Variants in TNR observed in about 807,000 individuals in gnomAD.
TNR encodes tenascin-R.
In TNR, 45 loss-of-function variants were observed where a neutral mutation model predicts 150.4. That is an observed-to-expected ratio of 0.30 (90% CI 0.24 to 0.38). TNR has a LOEUF of 0.38. Among genes scored for constraint, TNR ranks in the 10% least tolerant of loss-of-function variants. The pLI is 1.00. For synonymous variants in TNR, 687 were observed against 678.4 expected (o/e 1.01, Z -0.20); for missense variants, 1,544 against 1,759.1 (o/e 0.88, Z 2.19).
At chr1:175,738,622 T>C (rs1667839828) in intron 1 of TNR, among the ~76,000 whole-genome samples, 3 of 152,350 alleles carry the variant, frequency 2.0e-5, no homozygotes, top group South Asian at 2.1e-4. Flanking sequence ...GTAAATGTAC[T>C]TAGTGCCATT....
At chr1:175,711,336 C>A (rs1202933892) in intron 1 of TNR, among the ~76,000 whole-genome samples, 1 of 151,738 alleles carries the variant, frequency 6.6e-6, no homozygotes, top group African/African-American at 2.4e-5. Flanking sequence ...GTGTTTCTGG[C>A]AGAGGGACAC....
intron 8 of TNR, among the ~76,000 whole-genome samples, chr1:175,383,539 C>T (rs544248645): frequency 3.3e-5 from 5 of 152,298 alleles, no homozygotes; most frequent in South Asian, 2.1e-4. Flanking sequence ...CTCCAATCAC[C>T]GGCCATGGTG....
Position 175,316,639 on chromosome 1 carries a change from G to T in TNR, c.*6718C>A, listed in dbSNP as rs931623559. ...CTGCCTGCTCCAGCTTGAAAAAAAT[G>T]ACTGGATATCCCACTCTTCTAATGT... On this transcript the variant is annotated 3_prime_UTR_variant, in exon 23 of 23. Transcript: ENST00000367674. The T allele has an allele frequency of 3.3e-5, 5 of 152,168 alleles. No homozygotes were observed. Among genetic ancestry groups the T allele is most frequent in the African/African-American group, 1.2e-4 (5 of 41,436 alleles). The allele number at this position is 152,168 out of a possible 1,614,324, so 9.4% of individuals were successfully genotyped here.
chr1:175,327,728 T>C (rs1649487863), intron 21 of TNR, among the ~76,000 whole-genome samples: 1 of 152,154 alleles, frequency 6.6e-6, no homozygotes. Flanking sequence ...TTATTTTCCT[T>C]ACCATGGGAA....
At chr1:175,736,380 G>A (rs1281595601) in intron 1 of TNR, among the ~76,000 whole-genome samples, 1 of 152,150 alleles carries the variant, frequency 6.6e-6, no homozygotes, top group Non-Finnish European at 1.5e-5. Flanking sequence ...AATTAGTGGG[G>A]CGTGGTGGCC....
chr1:175,342,717 T>A (rs1415677911), intron 18 of TNR, among the ~76,000 whole-genome samples: 1 of 152,210 alleles, frequency 6.6e-6, no homozygotes, highest in African/African-American at 2.4e-5. Flanking sequence ...ACAGCTTTGA[T>A]GTGTTCACCC....
intron 1 of TNR, among the ~76,000 whole-genome samples, chr1:175,575,505 A>G (rs1662066352): frequency 6.6e-6 from 1 of 152,196 alleles, no homozygotes; most frequent in Non-Finnish European, 1.5e-5. Flanking sequence ...CACATGAGGA[A>G]CATGCCAACC....
At chr1:175,677,131 G>T (rs1029362947) in intron 1 of TNR, among the ~76,000 whole-genome samples, 1 of 152,208 alleles carries the variant, frequency 6.6e-6, no homozygotes, top group African/African-American at 2.4e-5. Flanking sequence ...AAGAGAGGCT[G>T]AAGAAAGAAG....
intron 1 of TNR, among the ~76,000 whole-genome samples, chr1:175,704,923 C>T (rs1666805194): frequency 6.6e-6 from 1 of 152,042 alleles, no homozygotes; most frequent in African/African-American, 2.4e-5. Context: ...TGCAGTGTGT[C>T]TGGGCAGGGG....
intron 2 of TNR, among the ~76,000 whole-genome samples, chr1:175,434,483 C>T (rs1655410541): frequency 6.6e-6 from 1 of 152,182 alleles, no homozygotes; most frequent in Admixed American, 6.5e-5. Context: ...AACACTGTGA[C>T]CTTCCCGCCA....
chr1:175,365,744 T>C, intron 11 of TNR, 131 bp downstream of exon 11: 1 of 1,357,464 alleles, frequency 7.4e-7, no homozygotes, highest in Non-Finnish European at 1.0e-6. Flanking sequence ...GTTTTTACTC[T>C]ATCCTTTTCT....
intron 9 of TNR, among the ~76,000 whole-genome samples, chr1:175,370,172 T>G (rs944657268): frequency 2.5e-4 from 38 of 152,130 alleles, no homozygotes; most frequent in African/African-American, 8.7e-4. Context: ...ACTTAACATC[T>G]ATGAACCTCA....
At chr1:175,383,134 C>G (rs536614796) in intron 8 of TNR, among the ~76,000 whole-genome samples, 1 of 152,172 alleles carries the variant, frequency 6.6e-6, no homozygotes, top group East Asian at 1.9e-4. Flanking sequence ...GTCTCTGTGC[C>G]CAAATTTCCC....
intron 2 of TNR, among the ~76,000 whole-genome samples, chr1:175,471,614 T>C (rs772851199): frequency 7.9e-5 from 12 of 152,182 alleles, no homozygotes; most frequent in Non-Finnish European, 1.6e-4. Flanking sequence ...GGGCACTTAC[T>C]ATGAATGGAG....
chr1:175,684,428 G>A (rs1247039438), intron 1 of TNR, among the ~76,000 whole-genome samples: 2 of 152,082 alleles, frequency 1.3e-5, no homozygotes, highest in African/African-American at 4.8e-5. Flanking sequence ...TATTCAAAGG[G>A]CATCAATTAG....
intron 1 of TNR, among the ~76,000 whole-genome samples, chr1:175,656,368 A>G (rs1279560127): frequency 6.6e-6 from 1 of 152,080 alleles, no homozygotes; most frequent in African/African-American, 2.4e-5. Context: ...GTCAGACGAA[A>G]ATATTTTTCA....
Position 175,728,992 on chromosome 1 carries a change from G to A in TNR, c.-165+14234C>T, listed in dbSNP as rs545601455. Among the ~76,000 whole-genome samples the A allele has an allele frequency of 2.0e-5, 3 of 152,306 alleles. No individual in the cohort carries two copies. In the East Asian group the frequency reaches 5.8e-4, roughly 29 times the overall value. On this transcript the variant is annotated intron_variant, in intron 1 of 22. Coordinates refer to ENST00000367674, the MANE Select transcript of TNR (RefSeq NM_003285.3). ...CAGAACTGCAGAGCCTGGGAGAGGT[G>A]TTTGGATCAGAGGGAGAGGCATTCA...
chr1:175,711,562 G>T (rs1360651360), intron 1 of TNR, among the ~76,000 whole-genome samples: 1 of 152,198 alleles, frequency 6.6e-6, no homozygotes, highest in Non-Finnish European at 1.5e-5. Flanking sequence ...GCAGCCCTCT[G>T]GCTGCTGCAG....
At chr1:175,451,688 C>T (rs1421581629) in intron 2 of TNR, among the ~76,000 whole-genome samples, 1 of 152,172 alleles carries the variant, frequency 6.6e-6, no homozygotes, top group Non-Finnish European at 1.5e-5. Context: ...CTTTATGGAG[C>T]CCGTCTATCT....
Sources: gnomAD v4.1 joint callset for allele counts (sites outside exome capture counted in the v4.1 genomes callset) on GRCh38, gnomAD v4.1.1 for gene constraint, MANE v1.5 for transcripts, NCBI Gene and HGNC (gene_info 2026-07-23, HGNC 2026-07-21) for gene names.